NKAIN3: variants seen among roughly 807,000 people sequenced by gnomAD.
The protein encoded by NKAIN3 is sodium/potassium-transporting ATPase subunit beta-1-interacting protein 3.
A neutral mutation model predicts 30.2 loss-of-function variants in NKAIN3; 25 were observed. The observed-to-expected ratio is 0.83, with a 90% CI of 0.60 to 1.16. The LOEUF (loss-of-function observed/expected upper bound fraction) is 1.16, where lower values mean the gene tolerates loss of function less well. Among genes scored for constraint, NKAIN3 ranks in the 50% most tolerant of loss-of-function variants. The probability of loss-of-function intolerance (pLI) is 0.00; values close to 1 mark genes in which losing one functional copy is unlikely to be tolerated. For synonymous variants in NKAIN3, 91 were observed against 89.6 expected (o/e 1.02, Z -0.09); for missense variants, 225 against 254.1 (o/e 0.89, Z 0.78).
At chr8:62,519,394 C>T (rs1196834451) in intron 1 of NKAIN3, among the ~76,000 whole-genome samples, 1 of 152,106 alleles carries the variant, frequency 6.6e-6, no homozygotes, top group African/African-American at 2.4e-5. Flanking sequence ...GTAAATGTCA[C>T]ATCAGAGAAA....
intron 5 of NKAIN3, chr8:62,990,398 G>T: frequency 8.2e-7 from 1 of 1,212,532 alleles, no homozygotes; most frequent in Non-Finnish European, 1.0e-6. Flanking sequence ...GAAAAGCATA[G>T]GTTTTTTTTT....
At chr8:62,898,674 A>C (rs1029862837) in intron 4 of NKAIN3, among the ~76,000 whole-genome samples, 1 of 152,136 alleles carries the variant, frequency 6.6e-6, no homozygotes, top group African/African-American at 2.4e-5. Flanking sequence ...GTCTGGGCAA[A>C]AATTTCTTGA....
chr8:62,482,239 A>C (rs1266514897), intron 1 of NKAIN3: 1 of 152,176 alleles, frequency 6.6e-6, no homozygotes, highest in Non-Finnish European at 1.5e-5. Context: ...AAAGCAGGCA[A>C]AACAATATAA....
chr8:62,275,850 C>A (rs1241527934), intron 1 of NKAIN3, among the ~76,000 whole-genome samples: 1 of 152,004 alleles, frequency 6.6e-6, no homozygotes, highest in Admixed American at 6.6e-5. Context: ...AAATTTGATG[C>A]TTACCGTTTA....
At position 62,558,574 on chromosome 8, in the gene NKAIN3, C is replaced by T. The variant is rs144059118; in HGVS notation, c.55-20965C>T. On this transcript the variant is annotated intron_variant, in intron 1 of 6. Coordinates refer to ENST00000623646, the MANE Select transcript of NKAIN3 (RefSeq NM_001304533.3). ...CACATTTTAAAAGTCAGTTATAGAA[C>T]AATTATGAAAATTGCTAACATTATG... Among the ~76,000 whole-genome samples, 211 of 152,124 alleles carry T rather than the reference C, an allele frequency of 1.4e-3. 2 individuals carry two copies. The highest frequency in any genetic ancestry group is 3.7e-3 in the African/African-American group (153 of 41,562).
intron 1 of NKAIN3, among the ~76,000 whole-genome samples, chr8:62,456,184 G>A (rs556330350): frequency 1.6e-4 from 25 of 152,160 alleles, no homozygotes; most frequent in Admixed American, 3.9e-4. Context: ...ACCACAGAAA[G>A]CAAAACTGTG....
intron 3 of NKAIN3, among the ~76,000 whole-genome samples, chr8:62,741,377 AGG>A (rs1815872102): frequency 7.4e-6 from 1 of 134,768 alleles, no homozygotes; most frequent in African/African-American, 3.4e-5. Context: ...GAAGGAAGGA[AGG>A]AAGGAAGGAA....
At position 62,966,550 on chromosome 8, in the gene NKAIN3, C is replaced by T. The variant is rs765632583; in HGVS notation, c.*1143C>T. On this transcript the variant is annotated 3_prime_UTR_variant, in exon 7 of 7. Coordinates refer to ENST00000623646, the MANE Select transcript of NKAIN3 (RefSeq NM_001304533.3). ...CCTCAATCAAAATGCAGAACATTTC[C>T]GTCACTTTAAAAAATTCCCTTATGC... 1.7e-5 allele frequency: 4 copies of T among 235,192 alleles called. No homozygotes were observed. The highest frequency in any genetic ancestry group is 2.3e-5 in the African/African-American group (1 of 43,002). 14.6% of individuals were successfully genotyped at this position (235,192 alleles called of 1,614,324 possible).
At position 62,967,536 on chromosome 8, in the gene NKAIN3, A is replaced by G. The variant is rs1044804238; in HGVS notation, c.*2129A>G. On this transcript the variant is annotated 3_prime_UTR_variant, in exon 7 of 7. Coordinates refer to ENST00000623646, the MANE Select transcript of NKAIN3 (RefSeq NM_001304533.3). ...CACTCAAGCGCTATGAAGAGCCCACAGAAACAACAAACTCTGTTTTTTAAA... is the reference window on the plus strand; with the variant it reads ...CACTCAAGCGCTATGAAGAGCCCACGGAAACAACAAACTCTGTTTTTTAAA... Among the ~76,000 whole-genome samples, 1 of 152,156 alleles carries G rather than the reference A, an allele frequency of 6.6e-6. No homozygotes were observed. The highest frequency in any genetic ancestry group is 1.5e-5 in the Non-Finnish European group (1 of 68,048).
At chr8:62,519,811 T>G (rs2129778966) in intron 1 of NKAIN3, among the ~76,000 whole-genome samples, 1 of 152,278 alleles carries the variant, frequency 6.6e-6, no homozygotes, top group South Asian at 2.1e-4. Context: ...CCGGGGCATC[T>G]TAGCTCTCTG....
chr8:62,644,978 AG>A (rs1243463471), intron 3 of NKAIN3, among the ~76,000 whole-genome samples: 1 of 152,108 alleles, frequency 6.6e-6, no homozygotes, highest in African/African-American at 2.4e-5. Flanking sequence ...AATAGATTAA[AG>A]GAACACCCAG....
intron 4 of NKAIN3, among the ~76,000 whole-genome samples, chr8:62,899,989 A>T (rs1821554056): frequency 6.6e-6 from 1 of 151,774 alleles, no homozygotes; most frequent in Admixed American, 6.6e-5. Context: ...CGATTCATCC[A>T]TGTAACCAAA....
At chr8:62,619,996 G>A (rs758806172) in intron 3 of NKAIN3, among the ~76,000 whole-genome samples, 5 of 152,098 alleles carry the variant, frequency 3.3e-5, no homozygotes, top group Non-Finnish European at 5.9e-5. Flanking sequence ...ACAGATTAAC[G>A]AGAGGAAACC....
chr8:62,745,833 G>T (rs944275269), intron 3 of NKAIN3, among the ~76,000 whole-genome samples: 23 of 152,268 alleles, frequency 1.5e-4, no homozygotes, highest in South Asian at 4.1e-4. Flanking sequence ...TCAGGGCTTT[G>T]GAGGGGGAAG....
intron 6 of NKAIN3, among the ~76,000 whole-genome samples, chr8:62,960,108 T>A (rs1248532717): frequency 6.6e-6 from 1 of 152,234 alleles, no homozygotes. Flanking sequence ...GTGAAATGGC[T>A]GTGTGTATAT....
intron 1 of NKAIN3, chr8:62,473,140 C>A (rs1392642937): frequency 1.3e-5 from 2 of 152,218 alleles, no homozygotes; most frequent in Admixed American, 1.3e-4. Flanking sequence ...CATTCAGAAA[C>A]TGTGCCTTCT....
chr8:62,276,382 C>T (rs921250213), intron 1 of NKAIN3, among the ~76,000 whole-genome samples: 6 of 152,108 alleles, frequency 3.9e-5, no homozygotes, highest in African/African-American at 1.4e-4. Context: ...TGACTTTTTT[C>T]ATTAGCAATG....
intron 1 of NKAIN3, among the ~76,000 whole-genome samples, chr8:62,578,121 A>T (rs1810174060): frequency 6.6e-6 from 1 of 152,138 alleles, no homozygotes; most frequent in African/African-American, 2.4e-5. Context: ...TATCAATACA[A>T]AACTAGAAAA....
rs373111203 is a variant in NKAIN3 at position 62,729,187 on chromosome 8, C to T, written c.274-17745C>T. 2.6e-5 allele frequency among the ~76,000 whole-genome samples: 4 copies of T among 151,730 alleles called. No homozygotes were observed. The East Asian group carries it at 5.8e-4, about 22-fold the overall frequency. ...TGTACTCTGAACAATAAAAAAGAAA[C>T]GATTTATTTAGAAAGAAGCCTAAGA... On this transcript the variant is annotated intron_variant, in intron 3 of 6. Transcript: ENST00000623646.
Sources: allele counts gnomAD v4.1 joint callset (sites outside exome capture counted in the v4.1 genomes callset), GRCh38; gene constraint gnomAD v4.1.1; transcripts MANE v1.5; gene names NCBI Gene and HGNC (gene_info 2026-07-23, HGNC 2026-07-21).